The following SEPTIN5 variants were observed in gnomAD, a reference collection of about 807,000 sequenced individuals.
SEPTIN5 encodes the protein septin-5.
A neutral mutation model predicts 51.2 loss-of-function variants in SEPTIN5; 16 were observed. The observed-to-expected ratio is 0.31, with a 90% CI of 0.21 to 0.47. The LOEUF (loss-of-function observed/expected upper bound fraction) is 0.47. SEPTIN5 is among the 20% of genes least tolerant of loss of function. The pLI is 0.99. For synonymous variants in SEPTIN5, 208 were observed against 191.2 expected (o/e 1.09, Z -0.72); for missense variants, 376 against 500.3 (o/e 0.75, Z 2.37).
intron 2 of SEPTIN5, 25 bp from the exon 3 acceptor site, chr22:19,719,577 C>T (rs759910239): frequency 8.8e-6 from 14 of 1,592,448 alleles, no homozygotes; most frequent in Non-Finnish European, 1.1e-5. Flanking sequence ...CTTTGTGTCC[C>T]TACCCTGTTC....
intron 2 of SEPTIN5, chr22:19,718,326 C>G: frequency 3.3e-6 from 3 of 896,072 alleles, no homozygotes; most frequent in Non-Finnish European, 4.0e-6. Context: ...TCAGCCCTGC[C>G]CTCCGCAGCC....
At position 19,722,303 on chromosome 22, in the gene SEPTIN5, C is replaced by T. The variant is rs1936059706; in HGVS notation, c.1017C>T (p.Ala339=). The T allele has an allele frequency of 1.9e-6, 3 of 1,611,446 alleles. No homozygotes were observed. Among genetic ancestry groups the T allele is most frequent in the East Asian group, 2.2e-5 (1 of 44,834 alleles). The part of the protein sequence containing the change: ...IPILPLPTPD[A]ETEKLIRMKD... ...TCCTGCCGCTGCCCACCCCGGACGC[C>T]GAGACTGAGAAGCTTATCAGGATGA... Residue 339 remains alanine (A), a synonymous_variant, in exon 11 of 12, where the codon GCC becomes GCT. Transcript: ENST00000455784.
intron 2 of SEPTIN5, 77 bp from the exon 3 acceptor site, chr22:19,719,525 C>T: frequency 8.3e-7 from 1 of 1,203,130 alleles, no homozygotes. Flanking sequence ...TCTCCTCATA[C>T]CGCATTTGGT....
chr22:19,714,715 C>T lies in SEPTIN5; in HGVS notation c.44-66C>T. On this transcript the variant is annotated intron_variant, in intron 1 of 11. Transcript: ENST00000455784. The surrounding 1 kb of genome is among the most constrained non-coding windows in gnomAD (Gnocchi z 5.2). Reference sequence around the variant, plus strand: ...CTCTCACCGTGTCTCTCCGTCTCTCCCCCGCCCGCCGGCCCGGACCCGCTC... The same window carrying T: ...CTCTCACCGTGTCTCTCCGTCTCTCTCCCGCCCGCCGGCCCGGACCCGCTC... 1 of 1,542,934 alleles carries T rather than the reference C, an allele frequency of 6.5e-7. No individual in the cohort carries two copies. The highest frequency in any genetic ancestry group is 8.7e-7 in the Non-Finnish European group (1 of 1,150,034).
At position 19,719,635 on chromosome 22, in the gene SEPTIN5, C is replaced by T. The variant is rs369742629; in HGVS notation, c.88C>T (p.Leu30=). ...IDKQYVGFAT[L]PNQVHRKSVK... is the part of the protein sequence containing the mutation. Reference sequence around the variant, plus strand: ...CAAGCAGTACGTGGGCTTCGCCACACTGCCCAACCAGGTGCACCGCAAGTC... The same window carrying T: ...CAAGCAGTACGTGGGCTTCGCCACATTGCCCAACCAGGTGCACCGCAAGTC... Residue 30 remains leucine (L), a synonymous_variant, in exon 3 of 12, where the codon CTG becomes TTG. Transcript: ENST00000455784. 37 of 1,612,904 alleles carry T rather than the reference C, an allele frequency of 2.3e-5. No homozygotes were observed. The highest frequency in any genetic ancestry group is 5.0e-5 in the Admixed American group (3 of 60,006).
rs981051158 is a variant in SEPTIN5 at position 19,718,401 on chromosome 22, G to T, written c.55-1201G>T. On this transcript the variant is annotated intron_variant, in intron 2 of 11. Transcript: ENST00000455784. ...ACCGTTTCCCGGCGACGGCGGGCGG[G>T]GCCGTCTCTGCCGCCCCCCGCCGCG... 1.8e-5 allele frequency: 19 copies of T among 1,040,358 alleles called. No individual in the cohort carries two copies. In the African/African-American group the frequency reaches 3.1e-4, roughly 17 times the overall value. The allele number at this position is 1,040,358 out of a possible 1,614,324, so 64.4% of individuals were successfully genotyped here. A position where few individuals can be genotyped will look rare whatever the true frequency, so the allele number is the denominator to read the frequency against.
chr22:19,721,926 T>A lies in SEPTIN5; in HGVS notation c.919T>A (p.Tyr307Asn). The A allele has an allele frequency of 6.2e-7, 1 of 1,610,444 alleles. No individual in the cohort carries two copies. The highest frequency in any genetic ancestry group is 8.5e-7 in the Non-Finnish European group (1 of 1,178,728). The change falls in exon 10 of 12, where the codon TAC (tyrosine) becomes AAC (asparagine). Residue 307 changes from tyrosine to asparagine, a missense_variant. Coordinates refer to ENST00000455784, the MANE Select transcript of SEPTIN5 (RefSeq NM_002688.6). Reference protein sequence around the residue: ...DVTCDVHYENYRAHCIQQMTS... With the variant: ...DVTCDVHYENNRAHCIQQMTS... ...GACGTGCGACGTGCACTACGAGAACTACCGCGCGCACTGCATCCAGCAGAT... is the reference window on the plus strand; with the variant it reads ...GACGTGCGACGTGCACTACGAGAACAACCGCGCGCACTGCATCCAGCAGAT...
Position 19,721,684 on chromosome 22 carries a change from G to A in SEPTIN5, c.762G>A (p.Glu254=), listed in dbSNP as rs1936036905. 1.2e-6 allele frequency: 2 copies of A among 1,612,622 alleles called. No individual in the cohort carries two copies. Among genetic ancestry groups the A allele is most frequent in the South Asian group, 1.1e-5 (1 of 91,070 alleles). ...FAVIGSNTVV[E]AKGQRVRGRL... ...TTATAGGCAGCAACACGGTGGTGGA[G>A]GCCAAGGGGCAGCGGGTCCGGGGCC... The change falls in exon 9 of 12, where the codon GAG becomes GAA. Residue 254 remains glutamate (E), a synonymous_variant. Coordinates refer to ENST00000455784, the MANE Select transcript of SEPTIN5 (RefSeq NM_002688.6).
chr22:19,719,314 C>T (rs928077828), intron 2 of SEPTIN5: 1 of 378,982 alleles, frequency 2.6e-6, no homozygotes, highest in Non-Finnish European at 4.8e-6. Flanking sequence ...GAGGACATCG[C>T]CTGTGCCTGC....
chr22:19,722,835 G>A lies in SEPTIN5; in HGVS notation c.*351G>A. The A allele has an allele frequency of 2.1e-6, 1 of 472,182 alleles. No homozygotes were observed. Among genetic ancestry groups the A allele is most frequent in the Non-Finnish European group, 3.9e-6 (1 of 256,016 alleles). The allele number at this position is 472,182 out of a possible 1,614,324, so 29.2% of individuals were successfully genotyped here. ...CAGAAGAGGATTCCCAGGATCCTGG[G>A]TCTGTTCCCTGCCCCAGTGCTGCAG... On this transcript the variant is annotated 3_prime_UTR_variant, in exon 12 of 12. Coordinates refer to ENST00000455784, the MANE Select transcript of SEPTIN5 (RefSeq NM_002688.6).
intron 10 of SEPTIN5, 126 bp downstream of exon 10, chr22:19,722,083 C>T: frequency 2.3e-6 from 3 of 1,291,474 alleles, no homozygotes; most frequent in Admixed American, 2.4e-5. Context: ...CCCCCCCCTC[C>T]CCCAGAGCCT....
chr22:19,718,520 C>T, intron 2 of SEPTIN5: 1 of 1,271,824 alleles, frequency 7.9e-7, no homozygotes, highest in Non-Finnish European at 9.9e-7. Flanking sequence ...GGGGCCAGTT[C>T]GCCCAGTCAG....
Position 19,714,503 on chromosome 22 carries a change from A to G in SEPTIN5, c.-86A>G, listed in dbSNP as rs901643779. 3 of 867,258 alleles carry G rather than the reference A, an allele frequency of 3.5e-6. No individual in the cohort carries two copies. The highest frequency in any genetic ancestry group is 4.7e-4 in the Middle Eastern group (1 of 2,136). The allele number at this position is 867,258 out of a possible 1,614,324, so 53.7% of individuals were successfully genotyped here. A position where few individuals can be genotyped will look rare whatever the true frequency, so the allele number is the denominator to read the frequency against. The stretch of plus-strand genomic sequence containing the variant: ...CGGCGGCGGCGCGGAGGGGCCGCTC[A>G]CCCCGCAGCCCGGCCTCGGCCTCCG... On this transcript the variant is annotated 5_prime_UTR_variant, in exon 1 of 12. Coordinates refer to ENST00000455784, the MANE Select transcript of SEPTIN5 (RefSeq NM_002688.6). This position sits in a 1 kb window ranked among gnomAD's most constrained non-coding sequence, Gnocchi z 5.2.
At chr22:19,719,126 C>T (rs1601240543) in intron 2 of SEPTIN5, 1 of 267,160 alleles carries the variant, frequency 3.7e-6, no homozygotes, top group East Asian at 6.4e-5. Context: ...TATAAATAGG[C>T]GCTGCTCCGC....
chr22:19,718,335 C>A (rs1000029080), intron 2 of SEPTIN5: 56 of 944,772 alleles, frequency 5.9e-5, no homozygotes, highest in Non-Finnish European at 7.0e-5. Flanking sequence ...CCCTCCGCAG[C>A]CGCTTTCGGG....
chr22:19,718,187 T>G (rs1296565410), intron 2 of SEPTIN5: 1 of 158,250 alleles, frequency 6.3e-6, no homozygotes, highest in Admixed American at 6.5e-5. Flanking sequence ...GGCTACCGAC[T>G]CCCGGCCCGC....
intron 2 of SEPTIN5, chr22:19,718,500 G>T (rs1287000112): frequency 8.1e-7 from 1 of 1,240,752 alleles, no homozygotes; most frequent in Non-Finnish European, 1.0e-6. Context: ...CTGCGACGCC[G>T]CCACAGCTTG....
chr22:19,715,050 T>A (rs1935894807), intron 2 of SEPTIN5, among the ~76,000 whole-genome samples: 1 of 152,182 alleles, frequency 6.6e-6, no homozygotes, highest in South Asian at 2.1e-4. Context: ...AGTGTCCCCC[T>A]CCCACAGGGC....
In SEPTIN5 at chr22:19,722,602, C is replaced by T. The variant is rs1022987457; in HGVS notation, c.*118C>T. 7.7e-6 allele frequency: 8 copies of T among 1,040,776 alleles called. No homozygotes were observed. Among genetic ancestry groups the T allele is most frequent in the Non-Finnish European group, 1.1e-5 (8 of 703,248 alleles). The allele number at this position is 1,040,776 out of a possible 1,614,324, so 64.5% of individuals were successfully genotyped here. On this transcript the variant is annotated 3_prime_UTR_variant, in exon 12 of 12. Coordinates refer to ENST00000455784, the MANE Select transcript of SEPTIN5 (RefSeq NM_002688.6). ...AGCCCCCAGCTGACCCTAATTTATT[C>T]TCAGCACCACCCCCTCCCAGGTCAT... is the stretch of plus-strand genomic sequence containing the variant.
Sources: gnomAD v4.1 joint callset for allele counts (sites outside exome capture counted in the v4.1 genomes callset) on GRCh38, gnomAD v4.1.1 for gene constraint, Gnocchi (gnomAD v3.1) non-coding constraint, MANE v1.5 for transcripts, NCBI Gene and HGNC (gene_info 2026-07-23, HGNC 2026-07-21) for gene names.